Variants in FHIT observed in about 807,000 individuals in gnomAD.
FHIT encodes the protein bis(5'-adenosyl)-triphosphatase.
FHIT carries 19 observed loss-of-function variants against 17.9 expected under a neutral mutation model. That is an observed-to-expected ratio of 1.06 (90% CI 0.74 to 1.56). FHIT has a LOEUF of 1.56. FHIT is among the 40% of genes most tolerant of loss of function. The probability of loss-of-function intolerance (pLI) is 0.00; values close to 1 mark genes in which losing one functional copy is unlikely to be tolerated. For missense variants in FHIT, 248 were observed against 189.2 expected (o/e 1.31, Z -1.82); for synonymous variants, 81 against 69.7 (o/e 1.16, Z -0.81).
chr3:60,288,039 T>C (rs213374), intron 5 of FHIT, among the ~76,000 whole-genome samples: 59,778 of 151,996 alleles, frequency 0.39, 12,609 homozygotes, highest in Non-Finnish European at 0.47. Context: ...TCTGGGAAAC[T>C]GGAGTCACAA....
intron 2 of FHIT, among the ~76,000 whole-genome samples, chr3:61,042,379 T>G (rs2033559965): frequency 6.6e-6 from 1 of 152,156 alleles, no homozygotes; most frequent in African/African-American, 2.4e-5. Context: ...AAACTTAAAG[T>G]GTTCAAAGAT....
At chr3:60,869,142 C>T (rs78834122) in intron 3 of FHIT, among the ~76,000 whole-genome samples, 1 of 152,148 alleles carries the variant, frequency 6.6e-6, no homozygotes, top group African/African-American at 2.4e-5. Flanking sequence ...ACCCCTAACA[C>T]ACTTAAATTA....
Position 59,904,573 on chromosome 3 carries a change from C to T in FHIT, c.348+17773G>A, listed in dbSNP as rs1356724441. Among the ~76,000 whole-genome samples the T allele has an allele frequency of 2.6e-5, 4 of 152,272 alleles. No individual in the cohort carries two copies. The East Asian group carries it at 7.8e-4, about 30-fold the overall frequency. On this transcript the variant is annotated intron_variant, in intron 8 of 9. Transcript: ENST00000492590. The stretch of plus-strand genomic sequence containing the variant: ...ACTTTGCAAGCTGGGAACCCCTGGC[C>T]AGTGATGCCCGTACCAGGCCTTGCT...
At chr3:60,150,208 G>A (rs1033266187) in intron 5 of FHIT, among the ~76,000 whole-genome samples, 8 of 151,952 alleles carry the variant, frequency 5.3e-5, no homozygotes, top group Admixed American at 2.0e-4. Context: ...TATTGGTCAG[G>A]CTGGTCTCGA....
chr3:60,687,135 T>G (rs181535042), intron 4 of FHIT, among the ~76,000 whole-genome samples: 24 of 152,354 alleles, frequency 1.6e-4, no homozygotes, highest in Admixed American at 1.4e-3. Flanking sequence ...AGTAAATATC[T>G]TGTATTATGC....
At chr3:60,483,041 C>T (rs2033680948) in intron 5 of FHIT, among the ~76,000 whole-genome samples, 1 of 152,096 alleles carries the variant, frequency 6.6e-6, no homozygotes, top group African/African-American at 2.4e-5. Flanking sequence ...TAAGTGAATA[C>T]TATAAACACC....
At chr3:60,439,037 T>G (rs574269257) in intron 5 of FHIT, among the ~76,000 whole-genome samples, 57 of 152,254 alleles carry the variant, frequency 3.7e-4, no homozygotes, top group African/African-American at 1.3e-3. Flanking sequence ...TAAATCGAAT[T>G]GGTGAGAGTG....
intron 5 of FHIT, among the ~76,000 whole-genome samples, chr3:60,101,630 G>C (rs1170332764): frequency 6.6e-6 from 1 of 152,146 alleles, no homozygotes; most frequent in Non-Finnish European, 1.5e-5. Flanking sequence ...CTATTGGAAT[G>C]TAATTCCATG....
At chr3:59,907,823 G>T (rs1704657297) in intron 8 of FHIT, among the ~76,000 whole-genome samples, 1 of 152,212 alleles carries the variant, frequency 6.6e-6, no homozygotes, top group Non-Finnish European at 1.5e-5. Context: ...TCAGGTGTTG[G>T]CCAGTCTGCA....
chr3:59,986,695 T>TATATATTTATATAAATATATGC (rs1708947914), intron 7 of FHIT, among the ~76,000 whole-genome samples: 1 of 11,240 alleles, frequency 8.9e-5, no homozygotes, highest in Non-Finnish European at 1.5e-4. Flanking sequence ...TTTAGTTTTA[T>TATATATTTATATAAATATATGC]ATATATTTAT....
chr3:60,158,681 C>T (rs1186362658), intron 5 of FHIT, among the ~76,000 whole-genome samples: 1 of 152,180 alleles, frequency 6.6e-6, no homozygotes, highest in Non-Finnish European at 1.5e-5. Flanking sequence ...ACATCCCCGT[C>T]CATTAGCTAC....
intron 7 of FHIT, among the ~76,000 whole-genome samples, chr3:59,959,263 C>T (rs770792940): frequency 7.9e-5 from 12 of 152,120 alleles, no homozygotes; most frequent in East Asian, 1.9e-4. Context: ...CAATCATTGT[C>T]GGAGCTACCC....
chr3:60,153,952 C>G (rs1273635032), intron 5 of FHIT, among the ~76,000 whole-genome samples: 2 of 152,130 alleles, frequency 1.3e-5, no homozygotes, highest in African/African-American at 2.4e-5. Flanking sequence ...GTAAGAGAGA[C>G]ACACTAAAAA....
chr3:59,849,741 G>T (rs1477010856), intron 8 of FHIT, among the ~76,000 whole-genome samples: 1 of 152,162 alleles, frequency 6.6e-6, no homozygotes, highest in African/African-American at 2.4e-5. Context: ...CTAAAAGTAA[G>T]ACTTGTAATG....
At chr3:61,127,240 A>T (rs1371708469) in intron 2 of FHIT, among the ~76,000 whole-genome samples, 1 of 152,178 alleles carries the variant, frequency 6.6e-6, no homozygotes, top group Non-Finnish European at 1.5e-5. Flanking sequence ...CTTGGGCCCA[A>T]GCCATAGTGG....
intron 1 of FHIT, among the ~76,000 whole-genome samples, chr3:61,211,106 T>C (rs1367474637): frequency 6.6e-6 from 1 of 151,784 alleles, no homozygotes; most frequent in African/African-American, 2.4e-5. Flanking sequence ...TGCATTTCCA[T>C]CTGAGGTACC....
At chr3:60,923,955 T>G (rs1309840341) in intron 3 of FHIT, among the ~76,000 whole-genome samples, 6 of 152,156 alleles carry the variant, frequency 3.9e-5, no homozygotes, top group Non-Finnish European at 8.8e-5. Flanking sequence ...GGAGCCTCCC[T>G]CATTGCTAGG....
chr3:60,646,219 T>C (rs1355928840), intron 4 of FHIT, among the ~76,000 whole-genome samples: 1 of 152,162 alleles, frequency 6.6e-6, no homozygotes, highest in African/African-American at 2.4e-5. Context: ...AACTAGCAAA[T>C]TCCTACTGGT....
At chr3:61,049,523 C>G (rs1170619704) in intron 2 of FHIT, among the ~76,000 whole-genome samples, 1 of 152,046 alleles carries the variant, frequency 6.6e-6, no homozygotes, top group Non-Finnish European at 1.5e-5. Context: ...GGTAACAGAA[C>G]AGTCTGACAA....
Sources: gnomAD v4.1 joint callset for allele counts (sites outside exome capture counted in the v4.1 genomes callset) on GRCh38, gnomAD v4.1.1 for gene constraint, MANE v1.5 for transcripts, NCBI Gene and HGNC (gene_info 2026-07-23, HGNC 2026-07-21) for gene names.